Variants in DACH2 observed in about 807,000 individuals in gnomAD.
DACH2 encodes dachshund family transcription factor 2.
DACH2 carries 17 observed loss-of-function variants against 35.8 expected under a neutral mutation model. The observed-to-expected ratio is 0.48, with a 90% CI of 0.33 to 0.71. The LOEUF (loss-of-function observed/expected upper bound fraction) is 0.71. Among genes scored for constraint, DACH2 ranks in the 30% least tolerant of loss-of-function variants. The pLI, the probability that DACH2 is intolerant of heterozygous loss-of-function variation, is 0.02. For synonymous variants in DACH2, 195 were observed against 177.3 expected, an observed-to-expected ratio of 1.10 and a Z score of -0.79; for missense variants, 469 against 472.7, an observed-to-expected ratio of 0.99 and a Z score of 0.07.
chrX:86,698,785 C>A (rs1460384695), intron 5 of DACH2, among the ~76,000 whole-genome samples: 1 of 109,423 alleles, frequency 9.1e-6, no homozygotes, highest in African/African-American at 3.3e-5. Context: ...ACCTGCCTGT[C>A]TTGGCCTCCC....
At chrX:86,576,457 T>C (rs1265953237) in intron 3 of DACH2, among the ~76,000 whole-genome samples, 1 of 111,928 alleles carries the variant, frequency 8.9e-6, no homozygotes, top group Non-Finnish European at 1.9e-5. Context: ...ACATGAAATA[T>C]GCACAACATA....
intron 7 of DACH2, among the ~76,000 whole-genome samples, chrX:86,795,251 G>A (rs867499176): frequency 2.7e-5 from 1 of 36,965 alleles, no homozygotes; most frequent in African/African-American, 8.8e-5. Context: ...TTTTTTTTTT[G>A]AGACAGAATC....
intron 3 of DACH2, among the ~76,000 whole-genome samples, chrX:86,609,125 T>A (rs2039896887): frequency 8.9e-6 from 1 of 111,934 alleles, no homozygotes; most frequent in Non-Finnish European, 1.9e-5. Flanking sequence ...CTTTTGAGGC[T>A]ATTTTATAGA....
At chrX:86,310,390 C>A (rs1315110467) in intron 1 of DACH2, among the ~76,000 whole-genome samples, 4 of 111,757 alleles carry the variant, frequency 3.6e-5, no homozygotes, top group African/African-American at 1.3e-4. Flanking sequence ...CCCCAGCCTG[C>A]ACCAATGGCC....
chrX:86,556,804 A>AGG (rs2039134833), intron 3 of DACH2, among the ~76,000 whole-genome samples: 2 of 83,157 alleles, frequency 2.4e-5, no homozygotes, highest in Non-Finnish European at 4.5e-5. Context: ...ATAGAGAGAG[A>AGG]GAGAGAGAGA....
chrX:86,367,071 T>C (rs1036339438), intron 1 of DACH2, among the ~76,000 whole-genome samples: 3 of 111,356 alleles, frequency 2.7e-5, no homozygotes, highest in Non-Finnish European at 5.7e-5. Flanking sequence ...ATATGAGCTG[T>C]GAAGACAGGA....
chrX:86,556,343 A>G (rs28634079), intron 3 of DACH2, among the ~76,000 whole-genome samples: 28,373 of 109,873 alleles, frequency 0.26, 4,953 homozygotes, highest in African/African-American at 0.64. Flanking sequence ...CGTAAGAACT[A>G]TGAGGTAAGC....
intron 4 of DACH2, among the ~76,000 whole-genome samples, chrX:86,673,029 C>A (rs994237660): frequency 8.9e-6 from 1 of 111,949 alleles, no homozygotes; most frequent in South Asian, 3.7e-4. Context: ...GGATGTGAGA[C>A]ACGGAGTCAA....
intron 2 of DACH2, among the ~76,000 whole-genome samples, chrX:86,397,375 C>G (rs1212071937): frequency 9.0e-6 from 1 of 111,242 alleles, no homozygotes; most frequent in African/African-American, 3.3e-5. Context: ...AATTGAATGC[C>G]CTTTATTTTC....
intron 7 of DACH2, among the ~76,000 whole-genome samples, chrX:86,812,523 T>A (rs988157611): frequency 9.0e-6 from 1 of 111,668 alleles, no homozygotes; most frequent in Non-Finnish European, 1.9e-5. Context: ...GAGGAAAAAA[T>A]AAAATGTTGC....
rs1556364144 is a variant in DACH2 at position 86,667,545 on chromosome X, G to GAAAGAAAGAAGA, written c.772+16380_772+16381insAGAAAGAAGAAA. Among the ~76,000 whole-genome samples the GAAAGAAAGAAGA allele has an allele frequency of 1.1e-3, 33 of 31,290 alleles. 1 individual carries two copies. Among genetic ancestry groups the GAAAGAAAGAAGA allele is most frequent in the Admixed American group, 2.7e-3 (7 of 2,619 alleles). The allele number at this position is 31,290 out of a possible 115,157, so 27.2% of individuals were successfully genotyped here. On this transcript the variant is annotated intron_variant, in intron 4 of 11. Transcript: ENST00000373125. ...AGAAAGAAAGAAAGAAAGAAAGAAA[G>GAAAGAAAGAAGA]AAGAAAGAAAGAAAGAAAGAAAGAA...
chrX:86,250,063 GGGA>G (rs897240687), intron 1 of DACH2, among the ~76,000 whole-genome samples: 2 of 111,171 alleles, frequency 1.8e-5, no homozygotes, highest in African/African-American at 3.3e-5. Flanking sequence ...GGTGGAGGGA[GGGA>G]GGAGGGTGAG....
At chrX:86,391,644 G>T (rs1273886019) in intron 2 of DACH2, among the ~76,000 whole-genome samples, 1 of 110,636 alleles carries the variant, frequency 9.0e-6, no homozygotes, top group African/African-American at 3.3e-5. Context: ...ATTTCCTTAC[G>T]AACATCACAT....
intron 3 of DACH2, among the ~76,000 whole-genome samples, chrX:86,592,139 G>A (rs1396765823): frequency 9.0e-6 from 1 of 111,136 alleles, no homozygotes; most frequent in Non-Finnish European, 1.9e-5. Context: ...TTATTTTCTA[G>A]GAGTTTTATA....
chrX:86,719,808 G>C (rs1416839102), intron 6 of DACH2, among the ~76,000 whole-genome samples: 1 of 110,303 alleles, frequency 9.1e-6, no homozygotes, highest in East Asian at 2.9e-4. Flanking sequence ...GGTGAGATTT[G>C]GGTGGGGACA....
At chrX:86,157,763 A>G (rs1173036663) in intron 1 of DACH2, among the ~76,000 whole-genome samples, 2 of 111,858 alleles carry the variant, frequency 1.8e-5, no homozygotes, top group African/African-American at 6.5e-5. Context: ...TACTATCATC[A>G]CAAACAATAT....
chrX:86,461,743 T>C (rs1190529602), intron 2 of DACH2, among the ~76,000 whole-genome samples: 1 of 111,543 alleles, frequency 9.0e-6, no homozygotes, highest in Non-Finnish European at 1.9e-5. Flanking sequence ...CATATAAAAA[T>C]GGAGGTTCTG....
At chrX:86,160,920 G>A in intron 1 of DACH2, 1 of 695,356 alleles carries the variant, frequency 1.4e-6, no homozygotes, top group Non-Finnish European at 2.3e-6. Flanking sequence ...CAGGCGCAAG[G>A]GCTTGTCAGT....
chrX:86,726,798 G>T, intron 6 of DACH2, among the ~76,000 whole-genome samples: 1 of 111,731 alleles, frequency 9.0e-6, no homozygotes, highest in Non-Finnish European at 1.9e-5. Flanking sequence ...GTGGAGTCCT[G>T]GGAGCTTCTC....
Sources: allele counts gnomAD v4.1 joint callset (sites outside exome capture counted in the v4.1 genomes callset), GRCh38; gene constraint gnomAD v4.1.1; transcripts MANE v1.5; gene names NCBI Gene and HGNC (gene_info 2026-07-23, HGNC 2026-07-21).